EGFR: variants seen among roughly 807,000 people sequenced by gnomAD.
EGFR encodes the protein epidermal growth factor receptor.
EGFR carries 58 observed loss-of-function variants against 143.0 expected under a neutral mutation model. That is an observed-to-expected ratio of 0.41 (90% CI 0.33 to 0.50). The LOEUF (loss-of-function observed/expected upper bound fraction) is 0.50. Ranked by LOEUF, EGFR falls within the 20% of genes least tolerant of loss-of-function variation. The pLI is 0.39. For missense variants in EGFR, 1,307 were observed against 1,579.0 expected, an observed-to-expected ratio of 0.83 and a Z score of 2.92; for synonymous variants, 613 against 594.4, an observed-to-expected ratio of 1.03 and a Z score of -0.45.
At position 55,160,296 on chromosome 7, in the gene EGFR, C is replaced by A. The variant is rs2128941681; in HGVS notation, c.1456C>A (p.Gln486Lys). ...GAAAAAACTGTTTGGGACCTCCGGTCAGAAAACCAAAATTATAAGCAACAG... is the reference window on the plus strand; with the variant it reads ...GAAAAAACTGTTTGGGACCTCCGGTAAGAAAACCAAAATTATAAGCAACAG... ...NWKKLFGTSG[Q>K]KTKIISNRGE... is the part of the protein sequence containing the mutation. Residue 486 changes from glutamine to lysine, a missense_variant, in exon 12 of 28, where the codon CAG becomes AAG. By Grantham distance (53) the Gln-to-Lys change is moderately conservative. Transcript: ENST00000275493. The A allele has an allele frequency of 6.2e-7, 1 of 1,613,828 alleles. No homozygotes were observed. Among genetic ancestry groups the A allele is most frequent in the South Asian group, 1.1e-5 (1 of 91,022 alleles).
chr7:55,071,160 G>A (rs1451588480), intron 1 of EGFR, among the ~76,000 whole-genome samples: 1 of 152,232 alleles, frequency 6.6e-6, no homozygotes, highest in Non-Finnish European at 1.5e-5. Context: ...GGAAGAAGTA[G>A]AAAGGAATTT....
Position 55,207,001 on chromosome 7 carries a change from T to C in EGFR, c.*1384T>C, listed in dbSNP as rs760928408. The C allele has an allele frequency of 4.3e-6, 1 of 233,144 alleles. No homozygotes were observed. Among genetic ancestry groups the C allele is most frequent in the Non-Finnish European group, 8.5e-6 (1 of 117,964 alleles). 14.4% of individuals were successfully genotyped at this position (233,144 alleles called of 1,614,324 possible). ...AAAAGTTCCTTCCTAAAATAATTTC[T>C]CTACAATTGGAAGATTGGAAGATTC... is the stretch of plus-strand genomic sequence containing the variant. On this transcript the variant is annotated 3_prime_UTR_variant, in exon 28 of 28. Coordinates refer to ENST00000275493, the MANE Select transcript of EGFR (RefSeq NM_005228.5).
At chr7:55,147,317 G>C (rs967746715) in intron 4 of EGFR, among the ~76,000 whole-genome samples, 1 of 152,222 alleles carries the variant, frequency 6.6e-6, no homozygotes, top group Non-Finnish European at 1.5e-5. Context: ...GGTCAGCGTG[G>C]CGCCCTGACT....
At chr7:55,152,440 G>A in intron 5 of EGFR, 106 bp from the exon 6 acceptor site, 3 of 1,026,982 alleles carry the variant, frequency 2.9e-6, no homozygotes, top group African/African-American at 1.6e-5. Flanking sequence ...GGAAGCAAAT[G>A]TGTCTTCACT....
In EGFR at chr7:55,067,824, A is replaced by G. The variant is rs933922693; in HGVS notation, c.88+48459A>G. 2.6e-5 allele frequency among the ~76,000 whole-genome samples: 4 copies of G among 151,184 alleles called. 1 individual carries two copies. Among genetic ancestry groups the G allele is most frequent in the African/African-American group, 9.9e-5 (4 of 40,584 alleles). The stretch of plus-strand genomic sequence containing the variant: ...ATTGTGTGTGCGCGGATGTGCGTGT[A>G]TGTGTGTGTATGTGTGCACGTGTGC... On this transcript the variant is annotated intron_variant, in intron 1 of 27. Coordinates refer to ENST00000275493, the MANE Select transcript of EGFR (RefSeq NM_005228.5).
chr7:55,044,878 A>G (rs572971967), intron 1 of EGFR, among the ~76,000 whole-genome samples: 148 of 152,348 alleles, frequency 9.7e-4, no homozygotes, highest in Non-Finnish European at 1.9e-3. Flanking sequence ...TTATTTAACG[A>G]GGTCCACAGA....
intron 1 of EGFR, among the ~76,000 whole-genome samples, chr7:55,055,984 G>A (rs1583925711): frequency 6.6e-6 from 1 of 152,012 alleles, no homozygotes; most frequent in East Asian, 1.9e-4. Flanking sequence ...GGGTTGGCGG[G>A]TCCATCTGGT....
At position 55,173,114 on chromosome 7, in the gene EGFR, A is replaced by G. The variant is rs1427460008; in HGVS notation, c.2051A>G (p.Gln684Arg). ...VRKRTLRRLL[Q>R]ERELVEPLTP... is the part of the protein sequence containing the mutation. ...AAGCGCACGCTGCGGAGGCTGCTGC[A>G]GGAGAGGGAGGTGAGTGCCAGTCCT... Residue 684 changes from glutamine to arginine, a missense_variant, in exon 17 of 28, where the codon CAG (glutamine) becomes CGG (arginine). Gln to Arg is a conservative substitution (Grantham distance 43). Transcript: ENST00000275493. 6.2e-7 allele frequency: 1 copy of G among 1,610,586 alleles called. No individual in the cohort carries two copies. Among genetic ancestry groups the G allele is most frequent in the Non-Finnish European group, 8.5e-7 (1 of 1,179,948 alleles).
rs74804287 is a variant in EGFR, at chr7:55,050,003, C to T, written c.88+30638C>T. On this transcript the variant is annotated intron_variant, in intron 1 of 27. Coordinates refer to ENST00000275493, the MANE Select transcript of EGFR (RefSeq NM_005228.5). ...CCTGCAGGTAGATAGTCAAGGCAAC[C>T]TCTTCACTCTTCTGCCAAGCCTCCT... is the stretch of plus-strand genomic sequence containing the variant. Among the ~76,000 whole-genome samples, 508 of 152,312 alleles carry T rather than the reference C, an allele frequency of 3.3e-3. 3 individuals carry two copies. Among genetic ancestry groups the T allele is most frequent in the African/African-American group, 0.012 (484 of 41,570 alleles).
At chr7:55,190,587 C>T (rs1406159869) in intron 20 of EGFR, among the ~76,000 whole-genome samples, 2 of 152,086 alleles carry the variant, frequency 1.3e-5, no homozygotes, top group African/African-American at 4.8e-5. Flanking sequence ...AGTCACACTA[C>T]AGTGGGATCC....
chr7:55,140,887 G>T (rs1043675834), intron 1 of EGFR, among the ~76,000 whole-genome samples: 1 of 152,200 alleles, frequency 6.6e-6, no homozygotes, highest in Non-Finnish European at 1.5e-5. Flanking sequence ...TTTAATGTTT[G>T]TGTAAGTGCT....
At chr7:55,110,578 T>A (rs913630295) in intron 1 of EGFR, among the ~76,000 whole-genome samples, 1 of 152,224 alleles carries the variant, frequency 6.6e-6, no homozygotes, top group South Asian at 2.1e-4. Flanking sequence ...TATAGCTCAA[T>A]TAGCATGTGT....
At chr7:55,056,103 C>T (rs956111880) in intron 1 of EGFR, among the ~76,000 whole-genome samples, 8 of 152,144 alleles carry the variant, frequency 5.3e-5, no homozygotes, top group Non-Finnish European at 2.9e-5. Flanking sequence ...CCAGCAGATG[C>T]TCCTCAAAAC....
At position 55,207,502 on chromosome 7, in the gene EGFR, G is replaced by C. The variant is rs1014782588; in HGVS notation, c.*1885G>C. On this transcript the variant is annotated 3_prime_UTR_variant, in exon 28 of 28. Transcript: ENST00000275493. Reference sequence around the variant, plus strand: ...AAACAACGTGACAAATGCCAGACAGGACCCATCAGCCAGGCACTGTGAGAG... The same window carrying C: ...AAACAACGTGACAAATGCCAGACAGCACCCATCAGCCAGGCACTGTGAGAG... 1 of 180,664 alleles carries C rather than the reference G, an allele frequency of 5.5e-6. No homozygotes were observed. Among genetic ancestry groups the C allele is most frequent in the Non-Finnish European group, 1.2e-5 (1 of 84,580 alleles). The allele number at this position is 180,664 out of a possible 1,614,324, so 11.2% of individuals were successfully genotyped here.
At chr7:55,073,111 C>T (rs1046082064) in intron 1 of EGFR, among the ~76,000 whole-genome samples, 1 of 152,210 alleles carries the variant, frequency 6.6e-6, no homozygotes, top group Non-Finnish European at 1.5e-5. Flanking sequence ...TATCTAACTT[C>T]TCACTCATTG....
At chr7:55,133,785 G>T (rs1458532998) in intron 1 of EGFR, among the ~76,000 whole-genome samples, 1 of 152,198 alleles carries the variant, frequency 6.6e-6, no homozygotes, top group Non-Finnish European at 1.5e-5. Context: ...GCCACTGGAG[G>T]AGCCACACGG....
chr7:55,108,542 A>G (rs1400987146), intron 1 of EGFR, among the ~76,000 whole-genome samples: 1 of 152,216 alleles, frequency 6.6e-6, no homozygotes, highest in African/African-American at 2.4e-5. Context: ...CATTTTCAGA[A>G]GTTGAGAAAT....
At chr7:55,190,289 G>A (rs554550218) in intron 20 of EGFR, among the ~76,000 whole-genome samples, 266 of 152,270 alleles carry the variant, frequency 1.7e-3, no homozygotes, top group Non-Finnish European at 3.2e-3. Context: ...AGTGCAGGGT[G>A]AGGGGACAGT....
chr7:55,192,968 A>ACATT, intron 22 of EGFR, 127 bp downstream of exon 22: 8 of 869,656 alleles, frequency 9.2e-6, no homozygotes, highest in Non-Finnish European at 9.4e-6. Flanking sequence ...ATGATAATGT[A>ACATT]ATCATTGCTG....
Sources: allele counts gnomAD v4.1 joint callset (sites outside exome capture counted in the v4.1 genomes callset), GRCh38; gene constraint gnomAD v4.1.1; transcripts MANE v1.5; gene names NCBI Gene and HGNC (gene_info 2026-07-23, HGNC 2026-07-21).